Variants in SHC2 observed in about 807,000 individuals in gnomAD.
The protein encoded by SHC2 is SHC adaptor protein 2, also known as SHC-transforming protein 2.
SHC2 carries 62 observed loss-of-function variants against 60.6 expected under a neutral mutation model. That is an observed-to-expected ratio of 1.02 (90% CI 0.83 to 1.26). SHC2 has a LOEUF of 1.26. Among genes scored for constraint, SHC2 ranks in the 50% most tolerant of loss-of-function variants. The probability of loss-of-function intolerance (pLI) is 0.00; values close to 1 mark genes in which losing one functional copy is unlikely to be tolerated. For synonymous variants in SHC2, 375 were observed against 372.4 expected (o/e 1.01, Z -0.08); for missense variants, 873 against 822.2 (o/e 1.06, Z -0.76).
At chr19:458,279 C>A (rs1975418849) in intron 1 of SHC2, among the ~76,000 whole-genome samples, 1 of 111,922 alleles carries the variant, frequency 8.9e-6, no homozygotes, top group South Asian at 3.1e-4. Flanking sequence ...CTTGGGGAGG[C>A]GGAAGTGGGT....
rs2287958 is a variant in SHC2 at position 422,543 on chromosome 19, G to A, written c.1310-87C>T. On this transcript the variant is annotated intron_variant, in intron 10 of 12. Coordinates refer to ENST00000264554, the MANE Select transcript of SHC2 (RefSeq NM_012435.3). The surrounding 1 kb of genome is among the most constrained non-coding windows in gnomAD (Gnocchi z 5.0). ...CAGAGCTGGGAGAAACGGGTTCCCC[G>A]GGGAGTCCCTCGTGCACCCGTCGGC... The A allele has an allele frequency of 0.69, 817,027 of 1,186,850 alleles. 281,502 individuals are homozygous for A. The highest frequency in any genetic ancestry group is 0.7 in the Non-Finnish European group (600,302 of 862,486). 73.5% of individuals were successfully genotyped at this position (1,186,850 alleles called of 1,614,324 possible).
rs755467261 is a variant in SHC2, at chr19:460,626, T to TCGGCGG, written c.365_370dup (p.Ala122_Ala123dup). 98 of 1,316,116 alleles carry TCGGCGG rather than the reference T, an allele frequency of 7.4e-5. No individual in the cohort carries two copies. The African/African-American group carries it at 1.4e-3, about 19-fold the overall frequency. 81.5% of individuals were successfully genotyped at this position (1,316,116 alleles called of 1,614,324 possible). A position where few individuals can be genotyped will look rare whatever the true frequency, so the allele number is the denominator to read the frequency against. On this transcript the variant is annotated inframe_insertion, in exon 1 of 13. Transcript: ENST00000264554. ...GATGAAGCTGCCCTTCCGGATCCAC[T>TCGGCGG]CGGCGGCGGCGGCGGCGTCCCCGGA...
At position 446,203 on chromosome 19, in the gene SHC2, C is replaced by A. The variant is rs898421773; in HGVS notation, c.469-5271G>T. Among the ~76,000 whole-genome samples, 2 of 152,176 alleles carry A rather than the reference C, an allele frequency of 1.3e-5. No homozygotes were observed. The highest frequency in any genetic ancestry group is 6.5e-5 in the Admixed American group (1 of 15,284). ...CCTGGGACAGAGCCTCCCTCAGAGC[C>A]TCCAGCAGAAACCAGCCCTGCCCAC... On this transcript the variant is annotated intron_variant, in intron 1 of 12. Coordinates refer to ENST00000264554, the MANE Select transcript of SHC2 (RefSeq NM_012435.3). This position sits in a 1 kb window ranked among gnomAD's most constrained non-coding sequence, Gnocchi z 5.4.
chr19:457,857 C>T (rs1002651713), intron 1 of SHC2, among the ~76,000 whole-genome samples: 1 of 152,260 alleles, frequency 6.6e-6, no homozygotes, highest in South Asian at 2.1e-4. Flanking sequence ...TAGGACAAAC[C>T]GCCGGGAGAC....
chr19:424,416 G>A lies in SHC2; in HGVS notation c.1309+681C>T, dbSNP rs56799909. Among the ~76,000 whole-genome samples the A allele has an allele frequency of 0.042, 6,360 of 152,106 alleles. 319 individuals carry two copies. Among genetic ancestry groups the A allele is most frequent in the African/African-American group, 0.11 (4,654 of 41,490 alleles). On this transcript the variant is annotated intron_variant, in intron 10 of 12. Transcript: ENST00000264554. This position sits in a 1 kb window ranked among gnomAD's most constrained non-coding sequence, Gnocchi z 4.5. ...TCCGTAGGAAGAATCCTCAGACCCCGGAGTCACGTGAAGAGAAAACTCATC... is the reference window on the plus strand; with the variant it reads ...TCCGTAGGAAGAATCCTCAGACCCCAGAGTCACGTGAAGAGAAAACTCATC...
In SHC2 at chr19:417,528, C is replaced by T. The variant is rs575007592; in HGVS notation, c.*6-206G>A. 2.0e-5 allele frequency among the ~76,000 whole-genome samples: 3 copies of T among 152,372 alleles called. 1 individual carries two copies. In the South Asian group the frequency reaches 6.2e-4, roughly 32 times the overall value. On this transcript the variant is annotated intron_variant, in intron 12 of 12. Transcript: ENST00000264554. ...CTGTGGACCTAGGGCAGTGCCCTAA[C>T]CTCTCTGCTGTCTCCTCGCGTGCAA... is the stretch of plus-strand genomic sequence containing the variant.
At chr19:447,446 T>A (rs1975078424) in intron 1 of SHC2, among the ~76,000 whole-genome samples, 1 of 152,168 alleles carries the variant, frequency 6.6e-6, no homozygotes, top group African/African-American at 2.4e-5. Flanking sequence ...GTTTAAACAG[T>A]TGGGATTAGG....
At chr19:427,000 G>A (rs1216748083) in intron 9 of SHC2, among the ~76,000 whole-genome samples, 1 of 152,224 alleles carries the variant, frequency 6.6e-6, no homozygotes, top group African/African-American at 2.4e-5. Context: ...AACAGCCCGG[G>A]TGTGGGCACA....
chr19:449,832 G>T (rs139049641), intron 1 of SHC2, among the ~76,000 whole-genome samples: 1 of 152,178 alleles, frequency 6.6e-6, no homozygotes, highest in Non-Finnish European at 1.5e-5. Flanking sequence ...GGCCAGTCTA[G>T]GTGAATGACA....
chr19:421,292 G>A (rs1461484469), intron 11 of SHC2, among the ~76,000 whole-genome samples: 2 of 151,506 alleles, frequency 1.3e-5, no homozygotes, highest in Non-Finnish European at 2.9e-5. Context: ...CCTAGGTACT[G>A]GGGAAGCTGA....
intron 1 of SHC2, among the ~76,000 whole-genome samples, chr19:460,292 TC>T (rs199827975): frequency 0.092 from 13,913 of 151,334 alleles, 777 homozygotes; most frequent in Middle Eastern, 0.21. Context: ...TGCGCGCCCC[TC>T]CCCCGCCGCC....
In SHC2 at chr19:460,856, G is replaced by A; in HGVS notation, c.141C>T (p.Gly47=). Residue 47 remains glycine (G), a synonymous_variant, in exon 1 of 13, where the codon GGC becomes GGT. Transcript: ENST00000264554. ...FAAPGGFLGR[G]PAAARAAGAS... is the part of the protein sequence containing the mutation. ...CCCCAGCCGCCCGCGCCGCCGCCGG[G>A]CCGCGGCCCAGGAAGCCGCCCGGGG... 1 of 985,824 alleles carries A rather than the reference G, an allele frequency of 1.0e-6. No homozygotes were observed. The allele number at this position is 985,824 out of a possible 1,614,324, so 61.1% of individuals were successfully genotyped here.
chr19:438,722 C>G lies in SHC2; in HGVS notation c.716G>C (p.Arg239Pro). 1.3e-6 allele frequency: 2 copies of G among 1,556,878 alleles called. No homozygotes were observed. Among genetic ancestry groups the G allele is most frequent in the Non-Finnish European group, 1.7e-6 (2 of 1,151,374 alleles). Residue 239 changes from arginine (R) to proline (P), a missense_variant, in exon 4 of 13, where the codon CGC becomes CCC. Transcript: ENST00000264554. This position sits in a 1 kb window ranked among gnomAD's most constrained non-coding sequence, Gnocchi z 5.0. ...DGLSLSVPAT[R>P]QVIANHHMPS... ...AGGCGAAGAGGGCAGACCCACCTGG[C>G]GCGTGGCAGGCACGGAGAGGCTGAG...
At chr19:429,758 C>G in intron 9 of SHC2, among the ~76,000 whole-genome samples, 1 of 150,510 alleles carries the variant, frequency 6.6e-6, no homozygotes, top group East Asian at 2.0e-4. Flanking sequence ...GCTCGGAAAC[C>G]TAACACCGTG....
chr19:422,125 T>G lies in SHC2; in HGVS notation c.1620+21A>C. The G allele has an allele frequency of 7.0e-7, 1 of 1,432,260 alleles. No homozygotes were observed. Among genetic ancestry groups the G allele is most frequent in the Non-Finnish European group, 9.3e-7 (1 of 1,078,848 alleles). 88.7% of individuals were successfully genotyped at this position (1,432,260 alleles called of 1,614,324 possible). On this transcript the variant is annotated intron_variant, in intron 11 of 12. Coordinates refer to ENST00000264554, the MANE Select transcript of SHC2 (RefSeq NM_012435.3). The surrounding 1 kb of genome is among the most constrained non-coding windows in gnomAD (Gnocchi z 5.0). The stretch of plus-strand genomic sequence containing the variant: ...GAAGCCCCTGGATGCCCCGAGACCC[T>G]CCCACCTGTGCACAGCTTACCACGC...
rs1278363753 is a variant in SHC2, at chr19:446,682, G to A, written c.469-5750C>T. ...GGGACCCTCCCACAGAAGATGGGGA[G>A]GAGCCCTGGCGGCTTCACATTCAAC... On this transcript the variant is annotated intron_variant, in intron 1 of 12. Transcript: ENST00000264554. This position sits in a 1 kb window ranked among gnomAD's most constrained non-coding sequence, Gnocchi z 5.4. Among the ~76,000 whole-genome samples the A allele has an allele frequency of 6.6e-6, 1 of 152,060 alleles. No homozygotes were observed. Among genetic ancestry groups the A allele is most frequent in the Admixed American group, 6.5e-5 (1 of 15,270 alleles).
At chr19:427,291 T>C (rs1245293956) in intron 9 of SHC2, among the ~76,000 whole-genome samples, 2 of 152,198 alleles carry the variant, frequency 1.3e-5, no homozygotes, top group African/African-American at 4.8e-5. Flanking sequence ...CAGGGTGGAC[T>C]GGCACCGCCG....
Position 422,415 on chromosome 19 carries a change from C to A in SHC2, c.1351G>T (p.Ala451Ser). The change falls in exon 11 of 13, where the codon GCG becomes TCG. Residue 451 changes from alanine (A) to serine (S), a missense_variant. Coordinates refer to ENST00000264554, the MANE Select transcript of SHC2 (RefSeq NM_012435.3). The surrounding 1 kb of genome is among the most constrained non-coding windows in gnomAD (Gnocchi z 5.0). Reference sequence around the variant, plus strand: ...AGAGGGGCTGCTGTCACGCCTGCCGCCACTGAGCACTCATGCAACTTCAGG... The same window carrying A: ...AGAGGGGCTGCTGTCACGCCTGCCGACACTGAGCACTCATGCAACTTCAGG... The part of the protein sequence containing the change: ...DALKLHECSV[A>S]AGVTAAPLPL... The A allele has an allele frequency of 6.3e-7, 1 of 1,590,086 alleles. No homozygotes were observed. The highest frequency in any genetic ancestry group is 8.6e-7 in the Non-Finnish European group (1 of 1,168,132).
At chr19:448,237 G>C (rs780058232) in intron 1 of SHC2, among the ~76,000 whole-genome samples, 1 of 152,238 alleles carries the variant, frequency 6.6e-6, no homozygotes, top group Non-Finnish European at 1.5e-5. Context: ...CAGGGCTGCC[G>C]TGAGCAAAGG....
Sources: gnomAD v4.1 joint callset for allele counts (sites outside exome capture counted in the v4.1 genomes callset) on GRCh38, gnomAD v4.1.1 for gene constraint, Gnocchi (gnomAD v3.1) non-coding constraint, MANE v1.5 for transcripts, NCBI Gene and HGNC (gene_info 2026-07-23, HGNC 2026-07-21) for gene names.